Variants in ICE1 observed in about 807,000 individuals in gnomAD.
ICE1 encodes interactor of little elongation complex ELL subunit 1, also known as little elongation complex subunit 1.
ICE1 carries 64 observed loss-of-function variants against 192.7 expected under a neutral mutation model. That is an observed-to-expected ratio of 0.33 (90% CI 0.27 to 0.41). ICE1 has a LOEUF of 0.41. ICE1 is among the 10% of genes least tolerant of loss of function. ICE1 has a pLI of 1.00. For synonymous variants in ICE1, 1,010 were observed against 984.5 expected (o/e 1.03, Z -0.49); for missense variants, 2,708 against 2,696.0 (o/e 1.00, Z -0.10).
intron 15 of ICE1, among the ~76,000 whole-genome samples, chr5:5,473,039 AAAG>A (rs2111396174): frequency 6.6e-6 from 1 of 152,350 alleles, no homozygotes; most frequent in Non-Finnish European, 1.5e-5. Flanking sequence ...TCAGCAGTAA[AAAG>A]AAGTTCAAAC....
intron 17 of ICE1, among the ~76,000 whole-genome samples, chr5:5,483,054 G>A (rs771104732): frequency 1.3e-5 from 2 of 152,086 alleles, no homozygotes; most frequent in Non-Finnish European, 2.9e-5. Context: ...GCAATGGCGT[G>A]ATCTCAGCTC....
Position 5,462,424 on chromosome 5 carries a change from G to A in ICE1, c.3090G>A (p.Glu1030=). 1 of 1,614,026 alleles carries A rather than the reference G, an allele frequency of 6.2e-7. No homozygotes were observed. The change falls in exon 13 of 19, where the codon GAG becomes GAA. Residue 1030 remains glutamate, a synonymous_variant. Transcript: ENST00000296564. ...SCGDTGRSGG[E]ALAVANDSTS... ...GAGACACAGGGAGATCTGGTGGTGA[G>A]GCCCTGGCTGTTGCAAATGATTCTA...
intron 14 of ICE1, 71 bp from the exon 15 acceptor site, chr5:5,468,757 T>C: frequency 3.2e-6 from 3 of 934,064 alleles, no homozygotes; most frequent in Non-Finnish European, 4.5e-6. Flanking sequence ...TTAATACAAT[T>C]TGTTCTTAAT....
chr5:5,464,046 C>T lies in ICE1; in HGVS notation c.4712C>T (p.Ser1571Leu). ...CAGTCAAACAAACCAGTAAAAACTT[C>T]AGCGTCGAGCAGAGTTGAAACTCAT... is the stretch of plus-strand genomic sequence containing the variant. ...KDQSNKPVKT[S>L]ASSRVETHQS... Residue 1571 changes from serine (S) to leucine (L), a missense_variant, in exon 13 of 19, where the codon TCA becomes TTA. Ser to Leu is a moderately radical substitution (Grantham distance 145, BLOSUM62 -2). Coordinates refer to ENST00000296564, the MANE Select transcript of ICE1 (RefSeq NM_015325.3). The surrounding 1 kb of genome is among the most constrained non-coding windows in gnomAD (Gnocchi z 4.0). 1 of 1,613,616 alleles carries T rather than the reference C, an allele frequency of 6.2e-7. No individual in the cohort carries two copies. Among genetic ancestry groups the T allele is most frequent in the Non-Finnish European group, 8.5e-7 (1 of 1,179,866 alleles).
At chr5:5,457,286 C>A (rs1446883913) in intron 11 of ICE1, 46 bp from the exon 12 acceptor site, 2 of 1,385,046 alleles carry the variant, frequency 1.4e-6, no homozygotes, top group Admixed American at 2.6e-5. Flanking sequence ...TTTAAGTTTT[C>A]TTGATATTGT....
intron 3 of ICE1, among the ~76,000 whole-genome samples, chr5:5,439,278 G>A (rs943183310): frequency 1.4e-4 from 21 of 152,080 alleles, no homozygotes; most frequent in African/African-American, 4.6e-4. Context: ...GGATGCACAC[G>A]TTTTTATGAA....
intron 15 of ICE1, among the ~76,000 whole-genome samples, chr5:5,469,758 G>T (rs1364567895): frequency 6.6e-6 from 1 of 152,142 alleles, no homozygotes; most frequent in Middle Eastern, 3.2e-3. Context: ...AAAGGAAAGA[G>T]CTTTTGGTGG....
At position 5,463,574 on chromosome 5, in the gene ICE1, C is replaced by A; in HGVS notation, c.4240C>A (p.Gln1414Lys). 3 of 1,613,958 alleles carry A rather than the reference C, an allele frequency of 1.9e-6. No individual in the cohort carries two copies. Among genetic ancestry groups the A allele is most frequent in the Non-Finnish European group, 2.5e-6 (3 of 1,179,876 alleles). Residue 1414 changes from glutamine (Q) to lysine (K), a missense_variant, in exon 13 of 19, where the codon CAG (glutamine) becomes AAG (lysine). Around this residue, in one of 2 missense-constraint regions of ICE1, gnomAD observed 2,366 missense variants for 2,276.6 expected, o/e 1.04. Coordinates refer to ENST00000296564, the MANE Select transcript of ICE1 (RefSeq NM_015325.3). Reference sequence around the variant, plus strand: ...TATAAACGTACTTATAAATAAGGATCAGAATCTAGTCATTGAAAAGGGGGA... The same window carrying A: ...TATAAACGTACTTATAAATAAGGATAAGAATCTAGTCATTGAAAAGGGGGA... Reference protein sequence around the residue: ...EVINVLINKDQNLVIEKGDNW... With the variant: ...EVINVLINKDKNLVIEKGDNW...
chr5:5,456,948 T>C lies in ICE1; in HGVS notation c.692-384T>C, dbSNP rs535050159. 2.1e-4 allele frequency among the ~76,000 whole-genome samples: 32 copies of C among 152,280 alleles called. 1 individual carries two copies. The highest frequency in any genetic ancestry group is 6.8e-3 in the Middle Eastern group (2 of 294). On this transcript the variant is annotated intron_variant, in intron 11 of 18. Transcript: ENST00000296564. ...ATCACTTTTTGGACAGAAAATAGTG[T>C]TCTGTATCAACCTATAGGCACAAAG...
At position 5,464,159 on chromosome 5, in the gene ICE1, G is replaced by A; in HGVS notation, c.4825G>A (p.Asp1609Asn). The change falls in exon 13 of 19, where the codon GAT (aspartate) becomes AAT (asparagine). Residue 1609 changes from aspartate (D) to asparagine (N), a missense_variant. Physicochemically the swap from Asp to Asn is conservative, Grantham distance 23. Transcript: ENST00000296564. The surrounding 1 kb of genome is among the most constrained non-coding windows in gnomAD (Gnocchi z 4.0). ...SQTQTILANADTSTPTDCSPD... is the reference protein window; with the variant it reads ...SQTQTILANANTSTPTDCSPD... ...AACTCAGACCATTTTAGCAAATGCT[G>A]ATACATCCACTCCTACAGATTGTTC... is the stretch of plus-strand genomic sequence containing the variant. 1 of 1,613,598 alleles carries A rather than the reference G, an allele frequency of 6.2e-7. No individual in the cohort carries two copies. The highest frequency in any genetic ancestry group is 1.1e-5 in the South Asian group (1 of 91,072).
intron 15 of ICE1, 69 bp downstream of exon 15, chr5:5,469,057 G>T: frequency 3.5e-6 from 4 of 1,131,736 alleles, no homozygotes; most frequent in Non-Finnish European, 4.7e-6. Context: ...TTATTTTGTT[G>T]TGTATTTAGT....
intron 2 of ICE1, among the ~76,000 whole-genome samples, chr5:5,436,809 T>A (rs1340238743): frequency 6.6e-6 from 1 of 152,194 alleles, no homozygotes; most frequent in Non-Finnish European, 1.5e-5. Context: ...TGGTGTGAGA[T>A]TTCCTATTTT....
At position 5,467,602 on chromosome 5, in the gene ICE1, TG is replaced by T. The variant is rs567207685; in HGVS notation, c.6061+1101del. On this transcript the variant is annotated intron_variant, in intron 14 of 18. Coordinates refer to ENST00000296564, the MANE Select transcript of ICE1 (RefSeq NM_015325.3). ...CTTAAAGATTAAATATTTTGTTTGC[TG>T]TCTCTCTGCTCCTCTAGCTTGTATA... 5.3e-5 allele frequency among the ~76,000 whole-genome samples: 8 copies of T among 152,348 alleles called. No homozygotes were observed. The East Asian group carries it at 1.4e-3, about 26-fold the overall frequency.
chr5:5,444,544 G>A (rs562997136), intron 7 of ICE1, among the ~76,000 whole-genome samples: 6 of 152,282 alleles, frequency 3.9e-5, no homozygotes, highest in African/African-American at 9.6e-5. Flanking sequence ...GCAAATCTCC[G>A]AAATGTTACT....
chr5:5,476,213 G>A (rs1739302751), intron 17 of ICE1, 134 bp downstream of exon 17: 1 of 517,752 alleles, frequency 1.9e-6, no homozygotes. Flanking sequence ...AGATACTTTT[G>A]TACTTAAGTC....
Position 5,489,267 on chromosome 5 carries a change from T to G in ICE1, c.6738T>G (p.Val2246=). 6.2e-7 allele frequency: 1 copy of G among 1,613,810 alleles called. No individual in the cohort carries two copies. Among genetic ancestry groups the G allele is most frequent in the Non-Finnish European group, 8.5e-7 (1 of 1,179,816 alleles). ...EAWRREASKS[V]PSAIVSCLEE... ...GGCGGAGAGAGGCCTCCAAAAGCGTTCCGTCTGCGATTGTCAGCTGCCTAG... is the reference window on the plus strand; with the variant it reads ...GGCGGAGAGAGGCCTCCAAAAGCGTGCCGTCTGCGATTGTCAGCTGCCTAG... The change falls in exon 19 of 19, where the codon GTT becomes GTG. Residue 2246 remains valine (V), a synonymous_variant. Transcript: ENST00000296564.
Position 5,489,575 on chromosome 5 carries a change from A to T in ICE1, c.*245A>T, listed in dbSNP as rs1049721549. On this transcript the variant is annotated 3_prime_UTR_variant, in exon 19 of 19. Transcript: ENST00000296564. Reference sequence around the variant, plus strand: ...TGATCTGTGACATATGGGTTATATTATTGTGTCTTTGTCAAACAACAAAAA... The same window carrying T: ...TGATCTGTGACATATGGGTTATATTTTTGTGTCTTTGTCAAACAACAAAAA... 1 of 334,092 alleles carries T rather than the reference A, an allele frequency of 3.0e-6. No individual in the cohort carries two copies. The highest frequency in any genetic ancestry group is 1.2e-4 in the South Asian group (1 of 8,084). The allele number at this position is 334,092 out of a possible 1,614,324, so 20.7% of individuals were successfully genotyped here. A position where few individuals can be genotyped will look rare whatever the true frequency, so the allele number is the denominator to read the frequency against.
rs1373799513 is a variant in ICE1 at position 5,462,103 on chromosome 5, C to G, written c.2769C>G (p.Ser923Arg). The G allele has an allele frequency of 1.2e-6, 2 of 1,613,820 alleles. No homozygotes were observed. Among genetic ancestry groups the G allele is most frequent in the African/African-American group, 1.3e-5 (1 of 75,060 alleles). The change falls in exon 13 of 19, where the codon AGC (serine) becomes AGG (arginine). Residue 923 changes from serine (S) to arginine (R), a missense_variant. By Grantham distance (110) the Ser-to-Arg change is moderately radical (BLOSUM62 -1). Coordinates refer to ENST00000296564, the MANE Select transcript of ICE1 (RefSeq NM_015325.3). ...TCACGGAGGTGGCTGCTGTGAAAAGCATTTCACCAGAAGTTTCTGCCTCTA... is the reference window on the plus strand; with the variant it reads ...TCACGGAGGTGGCTGCTGTGAAAAGGATTTCACCAGAAGTTTCTGCCTCTA... ...QNITEVAAVK[S>R]ISPEVSASRR... is the part of the protein sequence containing the mutation.
intron 14 of ICE1, among the ~76,000 whole-genome samples, chr5:5,467,453 T>C (rs2111390326): frequency 6.6e-6 from 1 of 152,370 alleles, no homozygotes; most frequent in East Asian, 1.9e-4. Context: ...CAAGCTTTTG[T>C]GCTGACAGCT....
Sources: allele counts gnomAD v4.1 joint callset (sites outside exome capture counted in the v4.1 genomes callset), GRCh38; gene constraint gnomAD v4.1.1; regional missense constraint gnomAD v4.1.1; non-coding constraint Gnocchi (gnomAD v3.1); transcripts MANE v1.5; gene names NCBI Gene and HGNC (gene_info 2026-07-23, HGNC 2026-07-21).